Variants in MGAT4D observed in about 807,000 individuals in gnomAD.
MGAT4D encodes the protein alpha-1,3-mannosyl-glycoprotein 4-beta-N-acetylglucosaminyltransferase-like protein MGAT4D.
Under a neutral mutation model 15.9 loss-of-function variants are expected in MGAT4D, and 34 were observed. That is an observed-to-expected ratio of 2.14 (90% CI 1.62 to 2.84). MGAT4D has a LOEUF of 2.84. MGAT4D is among the 30% of genes most tolerant of loss of function. The pLI, the probability that MGAT4D is intolerant of heterozygous loss-of-function variation, is 0.00. For missense variants in MGAT4D, 327 were observed against 140.2 expected (o/e 2.33, Z -6.73); for synonymous variants, 112 against 48.2 (o/e 2.33, Z -5.49).
intron 2 of MGAT4D, among the ~76,000 whole-genome samples, chr4:140,480,533 A>G (rs1732633060): frequency 6.6e-6 from 1 of 152,214 alleles, no homozygotes; most frequent in African/African-American, 2.4e-5. Context: ...CCCTGAAAGC[A>G]TCAGAAAGAG....
intron 1 of MGAT4D, among the ~76,000 whole-genome samples, chr4:140,488,639 C>A (rs1490219941): frequency 2.0e-5 from 3 of 152,114 alleles, no homozygotes; most frequent in African/African-American, 7.2e-5. Context: ...GAAGGGCATT[C>A]CAGCCTCAGA....
chr4:140,473,445 G>A (rs1170361453), intron 4 of MGAT4D, among the ~76,000 whole-genome samples: 1 of 152,044 alleles, frequency 6.6e-6, no homozygotes, highest in Non-Finnish European at 1.5e-5. Context: ...CACTTACTAT[G>A]TGCCACACAT....
chr4:140,477,152 G>C (rs531807170), intron 3 of MGAT4D, among the ~76,000 whole-genome samples: 1 of 152,028 alleles, frequency 6.6e-6, no homozygotes, highest in East Asian at 1.9e-4. Context: ...TCCTCTATCT[G>C]GATGACCACC....
intron 1 of MGAT4D, among the ~76,000 whole-genome samples, chr4:140,486,307 C>A (rs1733125553): frequency 6.6e-6 from 1 of 152,118 alleles, no homozygotes; most frequent in Admixed American, 6.5e-5. Flanking sequence ...CTCAGGGAAG[C>A]CTACCCTGCC....
At chr4:140,495,433 T>C (rs543586908) in intron 1 of MGAT4D, among the ~76,000 whole-genome samples, 2 of 152,368 alleles carry the variant, frequency 1.3e-5, no homozygotes, top group South Asian at 4.1e-4. Flanking sequence ...TGTCCTTTGA[T>C]GCCGTTCACT....
chr4:140,480,198 G>A (rs1357590877), intron 2 of MGAT4D, among the ~76,000 whole-genome samples: 2 of 152,166 alleles, frequency 1.3e-5, no homozygotes, highest in African/African-American at 4.8e-5. Context: ...CAAAAATATG[G>A]TTGACTGACT....
chr4:140,455,694 A>AT (rs1730751557), intron 9 of MGAT4D, among the ~76,000 whole-genome samples: 1 of 151,938 alleles, frequency 6.6e-6, no homozygotes, highest in South Asian at 2.1e-4. Flanking sequence ...AGATCGGTCT[A>AT]TTTTTTCTTT....
chr4:140,443,446 T>G lies in MGAT4D; in HGVS notation c.1117-2A>C, dbSNP rs1729896037. On this transcript the variant is annotated splice_acceptor_variant, in intron 10 of 10. Coordinates refer to ENST00000511113, the MANE Select transcript of MGAT4D (RefSeq NM_001277353.2). LOFTEE classifies it high-confidence loss of function. ...TCTTCTTATTTATCTTCATATTTTC[T>G]GAAATGAAAACAAAAAATGTAACAT... 1.8e-6 allele frequency: 1 copy of G among 544,942 alleles called. No homozygotes were observed. Among genetic ancestry groups the G allele is most frequent in the African/African-American group, 1.9e-5 (1 of 51,684 alleles). The allele number at this position is 544,942 out of a possible 1,614,324, so 33.8% of individuals were successfully genotyped here. A position where few individuals can be genotyped will look rare whatever the true frequency, so the allele number is the denominator to read the frequency against.
chr4:140,443,225 A>G lies in MGAT4D; in HGVS notation c.*211T>C, dbSNP rs1444564165. On this transcript the variant is annotated 3_prime_UTR_variant, in exon 11 of 11. Coordinates refer to ENST00000511113, the MANE Select transcript of MGAT4D (RefSeq NM_001277353.2). ...ACTTCCTTGCCTTTAGTATTTTTAA[A>G]TTAAATTGTAATAGGGTAAAAGCAA... is the stretch of plus-strand genomic sequence containing the variant. The G allele has an allele frequency of 4.1e-6, 1 of 242,554 alleles. No individual in the cohort carries two copies. The highest frequency in any genetic ancestry group is 2.2e-5 in the African/African-American group (1 of 45,002). The allele number at this position is 242,554 out of a possible 1,614,324, so 15.0% of individuals were successfully genotyped here. A position where few individuals can be genotyped will look rare whatever the true frequency, so the allele number is the denominator to read the frequency against.
At chr4:140,494,218 C>T (rs1013973798) in intron 1 of MGAT4D, among the ~76,000 whole-genome samples, 6 of 152,128 alleles carry the variant, frequency 3.9e-5, no homozygotes, top group East Asian at 1.9e-4. Context: ...CCAGGTGACC[C>T]GGATGAAGTA....
intron 1 of MGAT4D, among the ~76,000 whole-genome samples, chr4:140,488,693 T>A (rs537262660): frequency 6.6e-6 from 1 of 152,326 alleles, no homozygotes; most frequent in East Asian, 1.9e-4. Context: ...GTATGGTATG[T>A]GATATAGTTT....
intron 1 of MGAT4D, among the ~76,000 whole-genome samples, chr4:140,485,668 G>C (rs946286600): frequency 6.6e-6 from 1 of 150,884 alleles, no homozygotes; most frequent in Non-Finnish European, 1.5e-5. Context: ...ATGTTGGATG[G>C]ATGTTATGGC....
At chr4:140,446,700 T>G (rs1730144731) in intron 10 of MGAT4D, among the ~76,000 whole-genome samples, 2 of 149,104 alleles carry the variant, frequency 1.3e-5, no homozygotes, top group South Asian at 4.2e-4. Context: ...GGTTACTTCC[T>G]GTATTCTGGT....
At chr4:140,487,664 C>T (rs1035173294) in intron 1 of MGAT4D, among the ~76,000 whole-genome samples, 2 of 152,156 alleles carry the variant, frequency 1.3e-5, no homozygotes, top group African/African-American at 4.8e-5. Context: ...CATCTCAATT[C>T]AGATGCTAAA....
intron 4 of MGAT4D, among the ~76,000 whole-genome samples, chr4:140,472,756 A>T (rs1279117594): frequency 6.6e-6 from 1 of 152,240 alleles, no homozygotes; most frequent in Non-Finnish European, 1.5e-5. Flanking sequence ...TTTTAGACAG[A>T]CATGGGTTGT....
chr4:140,476,929 T>C (rs532840341), intron 3 of MGAT4D, among the ~76,000 whole-genome samples: 4 of 152,182 alleles, frequency 2.6e-5, no homozygotes, highest in Non-Finnish European at 4.4e-5. Flanking sequence ...GACACCTTCA[T>C]GTGTGCTTAT....
At chr4:140,472,971 A>G (rs573172697) in intron 4 of MGAT4D, among the ~76,000 whole-genome samples, 17 of 152,218 alleles carry the variant, frequency 1.1e-4, no homozygotes, top group South Asian at 8.3e-4. Flanking sequence ...CATCTTTATT[A>G]TAGAAAATTC....
chr4:140,451,005 G>T (rs1578637218), intron 10 of MGAT4D, among the ~76,000 whole-genome samples: 1 of 152,220 alleles, frequency 6.6e-6, no homozygotes, highest in Middle Eastern at 3.4e-3. Context: ...CTGGCAAAAC[G>T]AACAGTGGTC....
At chr4:140,475,353 G>A (rs1732240915) in intron 3 of MGAT4D, among the ~76,000 whole-genome samples, 1 of 152,226 alleles carries the variant, frequency 6.6e-6, no homozygotes, top group African/African-American at 2.4e-5. Context: ...ATTTTCATCT[G>A]TGAAAGAATG....
Sources: allele counts gnomAD v4.1 joint callset (sites outside exome capture counted in the v4.1 genomes callset), GRCh38; gene constraint gnomAD v4.1.1; transcripts MANE v1.5; gene names NCBI Gene and HGNC (gene_info 2026-07-23, HGNC 2026-07-21).